Variants in NR3C2 observed in about 807,000 individuals in gnomAD.
The protein encoded by NR3C2 is mineralocorticoid receptor.
Under a neutral mutation model 86.4 loss-of-function variants are expected in NR3C2, and 15 were observed. The ratio of observed to expected loss-of-function variants is 0.17; its 90% CI spans 0.12 to 0.27. NR3C2 has a LOEUF of 0.27. Ranked by LOEUF, NR3C2 falls within the 10% of genes least tolerant of loss-of-function variation. NR3C2 has a pLI of 1.00. For synonymous variants in NR3C2, 458 were observed against 450.5 expected, an observed-to-expected ratio of 1.02 and a Z score of -0.21; for missense variants, 960 against 1,195.6, an observed-to-expected ratio of 0.80 and a Z score of 2.91.
intron 2 of NR3C2, among the ~76,000 whole-genome samples, chr4:148,320,781 A>C (rs1237733995): frequency 2.7e-5 from 4 of 150,848 alleles, no homozygotes; most frequent in African/African-American, 7.4e-5. Flanking sequence ...TTTCTTTATT[A>C]GTCTTGCTAG....
intron 2 of NR3C2, among the ~76,000 whole-genome samples, chr4:148,427,938 C>T (rs567567344): frequency 2.0e-5 from 3 of 152,212 alleles, no homozygotes; most frequent in South Asian, 4.1e-4. Flanking sequence ...AAAACAATGA[C>T]GCCATGCTGA....
At chr4:148,115,761 G>A (rs886361643) in intron 7 of NR3C2, among the ~76,000 whole-genome samples, 1 of 139,072 alleles carries the variant, frequency 7.2e-6, no homozygotes, top group African/African-American at 2.5e-5. Context: ...GTCTATTTTT[G>A]TGAGGGGAAA....
intron 2 of NR3C2, among the ~76,000 whole-genome samples, chr4:148,292,259 T>C (rs753609403): frequency 5.3e-5 from 8 of 152,056 alleles, no homozygotes; most frequent in Non-Finnish European, 1.0e-4. Flanking sequence ...ATAAATCACT[T>C]TATACACATA....
chr4:148,326,085 T>A (rs114318128), intron 2 of NR3C2, among the ~76,000 whole-genome samples: 2,499 of 152,216 alleles, frequency 0.016, 62 homozygotes, highest in African/African-American at 0.057. Flanking sequence ...AAACTACAGA[T>A]GTTTCATTTT....
At chr4:148,411,331 T>C (rs922016539) in intron 2 of NR3C2, among the ~76,000 whole-genome samples, 4 of 152,174 alleles carry the variant, frequency 2.6e-5, no homozygotes, top group African/African-American at 7.2e-5. Context: ...AATATCCATA[T>C]ACTTAATATT....
At chr4:148,196,852 A>G (rs2149804443) in intron 3 of NR3C2, among the ~76,000 whole-genome samples, 1 of 152,328 alleles carries the variant, frequency 6.6e-6, no homozygotes, top group African/African-American at 2.4e-5. Context: ...AAAGGCAATC[A>G]ATATCCATGG....
intron 3 of NR3C2, among the ~76,000 whole-genome samples, chr4:148,207,692 T>A (rs1194726427): frequency 2.0e-5 from 3 of 152,136 alleles, no homozygotes; most frequent in Non-Finnish European, 4.4e-5. Flanking sequence ...ACAAAAATTA[T>A]CTCACAGGGG....
At chr4:148,116,188 AC>A (rs1298039956) in intron 7 of NR3C2, among the ~76,000 whole-genome samples, 3 of 152,354 alleles carry the variant, frequency 2.0e-5, no homozygotes, top group Non-Finnish European at 2.9e-5. Context: ...ATATTTCAAT[AC>A]CATTTGGTAC....
At chr4:148,205,181 T>C (rs1179247622) in intron 3 of NR3C2, among the ~76,000 whole-genome samples, 2 of 152,216 alleles carry the variant, frequency 1.3e-5, no homozygotes, top group Non-Finnish European at 2.9e-5. Context: ...TGAGAGCAGA[T>C]ATTGGTAACA....
At chr4:148,338,922 C>G (rs1017457924) in intron 2 of NR3C2, among the ~76,000 whole-genome samples, 1 of 151,764 alleles carries the variant, frequency 6.6e-6, no homozygotes, top group African/African-American at 2.4e-5. Flanking sequence ...TTCCAAACAC[C>G]TAAAATATTT....
At chr4:148,221,319 A>G (rs1348235775) in intron 3 of NR3C2, among the ~76,000 whole-genome samples, 1 of 152,242 alleles carries the variant, frequency 6.6e-6, no homozygotes, top group Non-Finnish European at 1.5e-5. Flanking sequence ...ATAAAGTCAC[A>G]TAAAGTGGAC....
chr4:148,176,979 A>T (rs1011657529), intron 4 of NR3C2, among the ~76,000 whole-genome samples: 1 of 152,228 alleles, frequency 6.6e-6, no homozygotes, highest in African/African-American at 2.4e-5. Flanking sequence ...TATTTTCATG[A>T]CCTAAATCAG....
Position 148,154,595 on chromosome 4 carries a change from C to T in NR3C2, c.2321G>A (p.Gly774Asp), listed in dbSNP as rs769124174. ...NLLSTLNRLA[G>D]KQMIQVVKWA... ...CTTCACGACTTGGATCATCTGTTTG[C>T]CTGCTAAGCGGTTGAGCGTGGAGAG... The change falls in exon 5 of 9, where the codon GGC becomes GAC. Residue 774 changes from glycine to aspartate, a missense_variant. Transcript: ENST00000358102. The T allele has an allele frequency of 6.2e-7, 1 of 1,614,166 alleles. No individual in the cohort carries two copies. The highest frequency in any genetic ancestry group is 8.5e-7 in the Non-Finnish European group (1 of 1,180,040).
chr4:148,379,039 A>G (rs1404869220), intron 2 of NR3C2, among the ~76,000 whole-genome samples: 1 of 152,220 alleles, frequency 6.6e-6, no homozygotes, highest in Non-Finnish European at 1.5e-5. Flanking sequence ...AGCAAGTTAC[A>G]AAAGAGCATA....
At chr4:148,328,157 G>A (rs1401735117) in intron 2 of NR3C2, among the ~76,000 whole-genome samples, 1 of 152,204 alleles carries the variant, frequency 6.6e-6, no homozygotes, top group Non-Finnish European at 1.5e-5. Flanking sequence ...AGAGGTGGCA[G>A]CAGCCGTGGG....
chr4:148,244,609 A>G (rs3846320), intron 3 of NR3C2, among the ~76,000 whole-genome samples: 126,713 of 152,158 alleles, frequency 0.83, 52,933 homozygotes, highest in African/African-American at 0.89. Context: ...CCAGGAACAC[A>G]CATGCAGGGT....
intron 2 of NR3C2, among the ~76,000 whole-genome samples, chr4:148,321,512 T>G (rs1743587751): frequency 6.6e-6 from 1 of 152,080 alleles, no homozygotes; most frequent in African/African-American, 2.4e-5. Flanking sequence ...TGTGGGAGTC[T>G]AAGTCTCTTT....
intron 2 of NR3C2, among the ~76,000 whole-genome samples, chr4:148,352,373 C>CT (rs1554011676): frequency 2.1e-5 from 3 of 146,208 alleles, no homozygotes; most frequent in Non-Finnish European, 3.0e-5. Context: ...CAACTCCTAT[C>CT]ATCTATCTAT....
At chr4:148,404,373 A>T (rs1014283546) in intron 2 of NR3C2, among the ~76,000 whole-genome samples, 7 of 152,196 alleles carry the variant, frequency 4.6e-5, no homozygotes, top group Non-Finnish European at 4.4e-5. Context: ...ATAAAAATAC[A>T]TTTATTAATT....
Sources: allele counts gnomAD v4.1 joint callset (sites outside exome capture counted in the v4.1 genomes callset), GRCh38; gene constraint gnomAD v4.1.1; transcripts MANE v1.5; gene names NCBI Gene and HGNC (gene_info 2026-07-23, HGNC 2026-07-21).